The following CHMP7 variants were observed in gnomAD, a reference collection of about 807,000 sequenced individuals.
CHMP7 encodes the protein CHMP family, member 7.
Under a neutral mutation model 53.7 loss-of-function variants are expected in CHMP7, and 15 were observed. The observed-to-expected ratio is 0.28, with a 90% CI of 0.19 to 0.43. The LOEUF is 0.43. CHMP7 is among the 20% of genes least tolerant of loss of function. The pLI, the probability that CHMP7 is intolerant of heterozygous loss-of-function variation, is 1.00. For missense variants in CHMP7, 527 were observed against 569.4 expected, an observed-to-expected ratio of 0.93 and a Z score of 0.76; for synonymous variants, 261 against 228.0, an observed-to-expected ratio of 1.14 and a Z score of -1.30.
intron 9 of CHMP7, 81 bp downstream of exon 9, chr8:23,259,207 C>G (rs1268722911): frequency 2.9e-6 from 2 of 696,232 alleles, no homozygotes; most frequent in Non-Finnish European, 4.4e-6. Flanking sequence ...CTCGCTCTGT[C>G]GCCCAGGCTG....
At chr8:23,252,113 T>A (rs564985034) in intron 3 of CHMP7, among the ~76,000 whole-genome samples, 1 of 152,202 alleles carries the variant, frequency 6.6e-6, no homozygotes, top group African/African-American at 2.4e-5. Context: ...TTGAGCATTT[T>A]TTTCACCTAT....
intron 3 of CHMP7, among the ~76,000 whole-genome samples, chr8:23,252,209 T>TTTTTTTTTTTTTTTTA (rs1801959840): frequency 2.0e-5 from 3 of 148,874 alleles, no homozygotes; most frequent in Admixed American, 6.7e-5. Context: ...TTTTTTTTTT[T>TTTTTTTTTTTTTTTTA]GAGATGGAGT....
chr8:23,246,363 T>C lies in CHMP7; in HGVS notation c.-333T>C, dbSNP rs1343170011. 1.5e-5 allele frequency: 5 copies of C among 336,152 alleles called. No individual in the cohort carries two copies. The highest frequency in any genetic ancestry group is 4.7e-5 in the Admixed American group (1 of 21,424). 20.8% of individuals were successfully genotyped at this position (336,152 alleles called of 1,614,324 possible). A position where few individuals can be genotyped will look rare whatever the true frequency, so the allele number is the denominator to read the frequency against. On this transcript the variant is annotated 5_prime_UTR_variant, in exon 2 of 11. Transcript: ENST00000397677. ...AGGTCAGAAGCCGCTGTACAACGCT[T>C]TGCCGAACTCCAGAATCTTGAAGGA...
In CHMP7 at chr8:23,255,156, T is replaced by C. The variant is rs778724465; in HGVS notation, c.472-91T>C. On this transcript the variant is annotated intron_variant, in intron 3 of 10. Coordinates refer to ENST00000397677, the MANE Select transcript of CHMP7 (RefSeq NM_152272.5). ...GGTTGGGATTCCCGGGTGCTTGCCT[T>C]GTGTGATCATGGTTTTGAAACTCAG... 480 of 1,356,944 alleles carry C rather than the reference T, an allele frequency of 3.5e-4. 4 individuals are homozygous for C. The highest frequency in any genetic ancestry group is 4.6e-4 in the Non-Finnish European group (442 of 964,058). 84.1% of individuals were successfully genotyped at this position (1,356,944 alleles called of 1,614,324 possible).
rs1199448143 is a variant in CHMP7 at position 23,247,051 on chromosome 8, G to A, written c.299+57G>A. 6 of 1,437,638 alleles carry A rather than the reference G, an allele frequency of 4.2e-6. No homozygotes were observed. In the East Asian group the frequency reaches 1.5e-4, roughly 36 times the overall value. 89.1% of individuals were successfully genotyped at this position (1,437,638 alleles called of 1,614,324 possible). A position where few individuals can be genotyped will look rare whatever the true frequency, so the allele number is the denominator to read the frequency against. On this transcript the variant is annotated intron_variant, in intron 2 of 10. Transcript: ENST00000397677. ...GGCGGGCGGGGGCAGCTCTCGGAGG[G>A]CCGGGCCCTGGTCCTGTTCTCTGCA... is the stretch of plus-strand genomic sequence containing the variant.
chr8:23,255,535 C>G (rs995865545), intron 4 of CHMP7, 103 bp downstream of exon 4: 1 of 1,037,436 alleles, frequency 9.6e-7, no homozygotes, highest in African/African-American at 1.6e-5. Flanking sequence ...GTTTCAGTAA[C>G]CTGCCGTCAA....
In CHMP7 at chr8:23,260,176, G is replaced by C. The variant is rs1351161241; in HGVS notation, c.1153G>C (p.Asp385His). ...CAGTGAAGAACTGGAGAAGGAATTGGACATCCTCCTTCAGGATACCACCAA... is the reference window on the plus strand; with the variant it reads ...CAGTGAAGAACTGGAGAAGGAATTGCACATCCTCCTTCAGGATACCACCAA... Reference protein sequence around the residue: ...FDSEELEKELDILLQDTTKEP... With the variant: ...FDSEELEKELHILLQDTTKEP... The change falls in exon 10 of 11, where the codon GAC (aspartate) becomes CAC (histidine). Residue 385 changes from aspartate to histidine, a missense_variant. Coordinates refer to ENST00000397677, the MANE Select transcript of CHMP7 (RefSeq NM_152272.5). 1.9e-6 allele frequency: 3 copies of C among 1,614,116 alleles called. No individual in the cohort carries two copies. Among genetic ancestry groups the C allele is most frequent in the Admixed American group, 1.7e-5 (1 of 60,020 alleles).
At position 23,246,387 on chromosome 8, in the gene CHMP7, G is replaced by T. The variant is rs534548346; in HGVS notation, c.-309G>T. The T allele has an allele frequency of 6.2e-5, 24 of 389,104 alleles. No homozygotes were observed. Among genetic ancestry groups the T allele is most frequent in the Middle Eastern group, 7.4e-4 (1 of 1,360 alleles). 24.1% of individuals were successfully genotyped at this position (389,104 alleles called of 1,614,324 possible). On this transcript the variant is annotated 5_prime_UTR_variant, in exon 2 of 11. The change creates a premature stop within an existing upstream ORF in the 5' untranslated region. Coordinates refer to ENST00000397677, the MANE Select transcript of CHMP7 (RefSeq NM_152272.5). Reference sequence around the variant, plus strand: ...TTTGCCGAACTCCAGAATCTTGAAGGAGACGTAAGGTGCAGCCACCTGCCG... The same window carrying T: ...TTTGCCGAACTCCAGAATCTTGAAGTAGACGTAAGGTGCAGCCACCTGCCG...
chr8:23,253,601 C>T (rs182018289), intron 3 of CHMP7, among the ~76,000 whole-genome samples: 114 of 152,312 alleles, frequency 7.5e-4, no homozygotes, highest in African/African-American at 2.5e-3. Context: ...TCTCAGACAT[C>T]TTAAAACATC....
Position 23,255,275 on chromosome 8 carries a change from A to G in CHMP7, c.500A>G (p.Tyr167Cys). The G allele has an allele frequency of 6.2e-7, 1 of 1,614,138 alleles. No individual in the cohort carries two copies. The highest frequency in any genetic ancestry group is 1.3e-5 in the African/African-American group (1 of 75,042). The change falls in exon 4 of 11, where the codon TAT (tyrosine) becomes TGT (cysteine). Residue 167 changes from tyrosine to cysteine, a missense_variant. By Grantham distance (194) the Tyr-to-Cys change is radical. Transcript: ENST00000397677. ...KEKAEEVYRLYQNSPLSSHPV... is the reference protein window; with the variant it reads ...KEKAEEVYRLCQNSPLSSHPV... Reference sequence around the variant, plus strand: ...AAGGCTGAGGAGGTGTATCGTCTGTATCAGAACTCGCCCCTCTCCTCCCAC... The same window carrying G: ...AAGGCTGAGGAGGTGTATCGTCTGTGTCAGAACTCGCCCCTCTCCTCCCAC...
chr8:23,249,159 T>C (rs773812003), intron 2 of CHMP7, 51 bp from the exon 3 acceptor site: 4 of 1,456,802 alleles, frequency 2.7e-6, no homozygotes, highest in Non-Finnish European at 2.8e-6. Flanking sequence ...GAGACTGGAA[T>C]GGGACATTGC....
At chr8:23,244,638 A>G (rs1407436580) in intron 1 of CHMP7, among the ~76,000 whole-genome samples, 1 of 152,204 alleles carries the variant, frequency 6.6e-6, no homozygotes, top group African/African-American at 2.4e-5. Context: ...GCCTTTCCAC[A>G]TAAACTTTAG....
chr8:23,248,328 A>G, intron 2 of CHMP7: 1 of 382,006 alleles, frequency 2.6e-6, no homozygotes, highest in Non-Finnish European at 5.3e-6. Flanking sequence ...CTGGTGCTCC[A>G]CTGAAGCTTC....
At position 23,246,595 on chromosome 8, in the gene CHMP7, C is replaced by A. The variant is rs545719362; in HGVS notation, c.-101C>A. 1.6e-4 allele frequency: 161 copies of A among 991,240 alleles called. No individual in the cohort carries two copies. The Middle Eastern group carries it at 1.9e-3, about 12-fold the overall frequency. 61.4% of individuals were successfully genotyped at this position (991,240 alleles called of 1,614,324 possible). On this transcript the variant is annotated 5_prime_UTR_variant, in exon 2 of 11. Transcript: ENST00000397677. ...GCTCAGGGCGGCGGTGACGTGTGAA[C>A]GAGAAGGAGGTGGTCAAGGAACGGA...
chr8:23,246,762 G>A lies in CHMP7; in HGVS notation c.67G>A (p.Glu23Lys). 6.4e-7 allele frequency: 1 copy of A among 1,558,726 alleles called. No individual in the cohort carries two copies. The highest frequency in any genetic ancestry group is 8.7e-7 in the Non-Finnish European group (1 of 1,151,780). The change falls in exon 2 of 11, where the codon GAG becomes AAG. Residue 23 changes from glutamate (E) to lysine (K), a missense_variant. Physicochemically the swap from Glu to Lys is moderately conservative, Grantham distance 56 (BLOSUM62 1). Transcript: ENST00000397677. ...GGDPAGLLPP[E>K]WEEDEERMSF... ...AGACCCGGCGGGCCTTCTGCCCCCCGAGTGGGAGGAGGACGAGGAGCGCAT... is the reference window on the plus strand; with the variant it reads ...AGACCCGGCGGGCCTTCTGCCCCCCAAGTGGGAGGAGGACGAGGAGCGCAT...
intron 3 of CHMP7, among the ~76,000 whole-genome samples, chr8:23,250,511 A>G (rs968771666): frequency 6.6e-6 from 1 of 151,548 alleles, no homozygotes; most frequent in African/African-American, 2.4e-5. Flanking sequence ...TTCCTTCTCA[A>G]CCGACCTTTG....
At chr8:23,253,934 T>C (rs1003963930) in intron 3 of CHMP7, among the ~76,000 whole-genome samples, 13 of 152,208 alleles carry the variant, frequency 8.5e-5, no homozygotes, top group Non-Finnish European at 1.6e-4. Flanking sequence ...AATCTAGCCA[T>C]GTCAGTTTCC....
intron 2 of CHMP7, among the ~76,000 whole-genome samples, chr8:23,247,462 C>T (rs961880246): frequency 5.9e-5 from 9 of 152,218 alleles, no homozygotes; most frequent in African/African-American, 1.4e-4. Context: ...GCTCATTCGT[C>T]TGGCTTGTCC....
intron 3 of CHMP7, among the ~76,000 whole-genome samples, chr8:23,253,450 T>G (rs1802004095): frequency 6.6e-6 from 1 of 152,058 alleles, no homozygotes; most frequent in African/African-American, 2.4e-5. Flanking sequence ...GGCCAGCTAA[T>G]TTTTTGTATT....
Sources: gnomAD v4.1 joint callset for allele counts (sites outside exome capture counted in the v4.1 genomes callset) on GRCh38, gnomAD v4.1.1 for gene constraint, MANE v1.5 for transcripts, NCBI Gene and HGNC (gene_info 2026-07-23, HGNC 2026-07-21) for gene names.